MSI2: variants seen among roughly 807,000 people sequenced by gnomAD.
MSI2 encodes musashi RNA binding protein 2, also known as RNA-binding protein Musashi homolog 2.
Under a neutral mutation model 45.6 loss-of-function variants are expected in MSI2, and 17 were observed. That is an observed-to-expected ratio of 0.37 (90% CI 0.26 to 0.56). The LOEUF is 0.56. Ranked by LOEUF, MSI2 falls within the 20% of genes least tolerant of loss-of-function variation. MSI2 has a pLI of 0.77. For synonymous variants in MSI2, 156 were observed against 158.2 expected (o/e 0.99, Z 0.11); for missense variants, 293 against 444.2 (o/e 0.66, Z 3.06).
At chr17:57,448,971 G>T (rs1284323061) in intron 6 of MSI2, 1 of 152,216 alleles carries the variant, frequency 6.6e-6, no homozygotes, top group African/African-American at 2.4e-5. Flanking sequence ...TGCCTGGCAG[G>T]TATGTAGTAA....
intron 2 of MSI2, 74 bp from the exon 3 acceptor site, chr17:57,257,392 T>G: frequency 1.1e-6 from 1 of 929,864 alleles, no homozygotes; most frequent in Non-Finnish European, 1.6e-6. Context: ...ATTTTGTCCT[T>G]GATCAAAATT....
At chr17:57,670,405 A>G (rs1912694570) in intron 11 of MSI2, among the ~76,000 whole-genome samples, 1 of 152,258 alleles carries the variant, frequency 6.6e-6, no homozygotes, top group Admixed American at 6.5e-5. Context: ...CCTAAGGGAA[A>G]GGTGCCCAGT....
In MSI2 at chr17:57,622,779, G is replaced by C. The variant is rs943717273; in HGVS notation, c.653-4450G>C. Among the ~76,000 whole-genome samples the C allele has an allele frequency of 1.8e-4, 27 of 152,182 alleles. 1 individual carries two copies. Among genetic ancestry groups the C allele is most frequent in the African/African-American group, 6.3e-4 (26 of 41,426 alleles). On this transcript the variant is annotated intron_variant, in intron 9 of 13. Coordinates refer to ENST00000284073, the MANE Select transcript of MSI2 (RefSeq NM_138962.4). ...ACATATCTACACTCAATTTCGACGGGGATCTGGCTTTCCCAAAAATATCTG... is the reference window on the plus strand; with the variant it reads ...ACATATCTACACTCAATTTCGACGGCGATCTGGCTTTCCCAAAAATATCTG...
At position 57,684,484 on chromosome 17, in the gene MSI2, G is replaced by A. The variant is rs1193074208; in HGVS notation, c.*4967G>A. On this transcript the variant is annotated 3_prime_UTR_variant, in exon 14 of 14. Transcript: ENST00000284073. ...TATCTCAAGCATCTTTCAGGTCTTTGTGTGTGGCTTTCTTAAAGCCCTGTT... is the reference window on the plus strand; with the variant it reads ...TATCTCAAGCATCTTTCAGGTCTTTATGTGTGGCTTTCTTAAAGCCCTGTT... 1 of 173,412 alleles carries A rather than the reference G, an allele frequency of 5.8e-6. No homozygotes were observed. Among genetic ancestry groups the A allele is most frequent in the African/African-American group, 2.4e-5 (1 of 41,864 alleles). 10.7% of individuals were successfully genotyped at this position (173,412 alleles called of 1,614,324 possible).
intron 5 of MSI2, among the ~76,000 whole-genome samples, chr17:57,324,502 C>T (rs796531561): frequency 2.6e-5 from 4 of 152,354 alleles, no homozygotes; most frequent in African/African-American, 9.6e-5. Context: ...TGGGGAAAAG[C>T]TGCCTCTGCT....
chr17:57,453,371 G>A (rs752404187), intron 6 of MSI2, among the ~76,000 whole-genome samples: 4 of 152,166 alleles, frequency 2.6e-5, no homozygotes, highest in Non-Finnish European at 5.9e-5. Context: ...AGGGCATCTT[G>A]TGACAGTGAC....
At chr17:57,396,689 G>A (rs1390129156) in intron 5 of MSI2, among the ~76,000 whole-genome samples, 4 of 152,194 alleles carry the variant, frequency 2.6e-5, no homozygotes, top group Non-Finnish European at 5.9e-5. Flanking sequence ...CAAGGGGTAT[G>A]TGGAGAGCAG....
intron 6 of MSI2, among the ~76,000 whole-genome samples, chr17:57,497,101 C>T (rs1216332753): frequency 1.3e-5 from 2 of 152,192 alleles, no homozygotes; most frequent in Admixed American, 1.3e-4. Context: ...CCTCGCCTCC[C>T]AAGTAGCTAG....
intron 5 of MSI2, among the ~76,000 whole-genome samples, chr17:57,349,807 A>C (rs554273804): frequency 6.6e-6 from 1 of 152,366 alleles, no homozygotes; most frequent in South Asian, 2.1e-4. Context: ...AAGCAGATAC[A>C]CTTCAAAATT....
intron 6 of MSI2, among the ~76,000 whole-genome samples, chr17:57,413,067 C>A (rs1906231935): frequency 6.6e-6 from 1 of 152,178 alleles, no homozygotes; most frequent in Non-Finnish European, 1.5e-5. Context: ...GTGTTATTTT[C>A]AACGTTGGAG....
At position 57,518,836 on chromosome 17, in the gene MSI2, A is replaced by C. The variant is rs147175000; in HGVS notation, c.406-10840A>C. Among the ~76,000 whole-genome samples, 25 of 152,356 alleles carry C rather than the reference A, an allele frequency of 1.6e-4. No individual in the cohort carries two copies. The East Asian group carries it at 4.8e-3, about 29-fold the overall frequency. On this transcript the variant is annotated intron_variant, in intron 6 of 13. Transcript: ENST00000284073. The stretch of plus-strand genomic sequence containing the variant: ...CCAGAGCACAGCAGCCGCCACTTGA[A>C]GGAGCCTCACACGAGAGGCCGTTAG...
At chr17:57,290,862 G>A (rs542135944) in intron 5 of MSI2, among the ~76,000 whole-genome samples, 50 of 152,326 alleles carry the variant, frequency 3.3e-4, no homozygotes, top group South Asian at 1.2e-3. Flanking sequence ...AAGGGCCCCC[G>A]TGTCATCACA....
chr17:57,470,826 C>G (rs2085421735), intron 6 of MSI2, among the ~76,000 whole-genome samples: 1 of 152,226 alleles, frequency 6.6e-6, no homozygotes, highest in Non-Finnish European at 1.5e-5. Flanking sequence ...GGCCCCACCA[C>G]TGTCACTTGG....
chr17:57,476,688 G>C (rs1428995248), intron 6 of MSI2, among the ~76,000 whole-genome samples: 1 of 152,202 alleles, frequency 6.6e-6, no homozygotes, highest in Admixed American at 6.5e-5. Context: ...GTGGCTGAGG[G>C]TTGGGCACCA....
At chr17:57,462,137 T>G (rs1287329898) in intron 6 of MSI2, among the ~76,000 whole-genome samples, 1 of 152,216 alleles carries the variant, frequency 6.6e-6, no homozygotes, top group African/African-American at 2.4e-5. Context: ...TTACTTGGCT[T>G]GTAGACACAT....
chr17:57,460,602 G>C (rs2085207542), intron 6 of MSI2, among the ~76,000 whole-genome samples: 1 of 152,150 alleles, frequency 6.6e-6, no homozygotes, highest in African/African-American at 2.4e-5. Context: ...TGGGACATGA[G>C]GCACCCCGCC....
intron 6 of MSI2, among the ~76,000 whole-genome samples, chr17:57,520,199 A>T (rs1039814786): frequency 2.7e-4 from 41 of 152,216 alleles, no homozygotes; most frequent in African/African-American, 9.2e-4. Context: ...TTATTTCAGG[A>T]GGATAGACAT....
intron 6 of MSI2, among the ~76,000 whole-genome samples, chr17:57,414,527 T>TTA (rs1357072352): frequency 6.6e-6 from 1 of 152,012 alleles, no homozygotes; most frequent in African/African-American, 2.4e-5. Context: ...GTAGCTGGGA[T>TTA]TATAGGCGCC....
At chr17:57,700,512 TA>T in the MSI2 span, among the ~76,000 whole-genome samples, 1 of 152,164 alleles carries the variant, frequency 6.6e-6, no homozygotes, top group Non-Finnish European at 1.5e-5. Context: ...AGAGTGCAGG[TA>T]TGACCATGTG....
Sources: gnomAD v4.1 joint callset for allele counts (sites outside exome capture counted in the v4.1 genomes callset) on GRCh38, gnomAD v4.1.1 for gene constraint, MANE v1.5 for transcripts, NCBI Gene and HGNC (gene_info 2026-07-23, HGNC 2026-07-21) for gene names.